The following KCNIP4 variants were observed in gnomAD, a reference collection of about 807,000 sequenced individuals.
KCNIP4 encodes potassium voltage-gated channel interacting protein 4.
In KCNIP4, 12 loss-of-function variants were observed where a neutral mutation model predicts 34.0. The observed-to-expected ratio is 0.35, with a 90% CI of 0.23 to 0.57. The LOEUF is 0.57. Ranked by LOEUF, KCNIP4 falls within the 20% of genes least tolerant of loss-of-function variation. The pLI, the probability that KCNIP4 is intolerant of heterozygous loss-of-function variation, is 0.83. For synonymous variants in KCNIP4, 124 were observed against 102.2 expected, an observed-to-expected ratio of 1.21 and a Z score of -1.29; for missense variants, 238 against 311.7, an observed-to-expected ratio of 0.76 and a Z score of 1.78.
At chr4:21,611,263 G>A (rs1744135450) in intron 1 of KCNIP4, among the ~76,000 whole-genome samples, 1 of 152,166 alleles carries the variant, frequency 6.6e-6, no homozygotes, top group African/African-American at 2.4e-5. Context: ...ATTGTGAACA[G>A]TGCTGCAATA....
At chr4:20,948,327 T>C (rs1358393063) in intron 1 of KCNIP4, among the ~76,000 whole-genome samples, 1 of 152,234 alleles carries the variant, frequency 6.6e-6, no homozygotes, top group African/African-American at 2.4e-5. Context: ...TCATTTCTAG[T>C]TCAATTTGAC....
chr4:21,263,255 A>G (rs912746646), intron 1 of KCNIP4, among the ~76,000 whole-genome samples: 21 of 152,218 alleles, frequency 1.4e-4, no homozygotes, highest in Non-Finnish European at 1.9e-4. Flanking sequence ...AAATCCTAGC[A>G]AACAGCTTTG....
chr4:21,105,101 C>G lies in KCNIP4; in HGVS notation c.62-222392G>C, dbSNP rs1010639427. On this transcript the variant is annotated intron_variant, in intron 1 of 8. Coordinates refer to ENST00000382152, the MANE Select transcript of KCNIP4 (RefSeq NM_025221.6). ...GGTCTCTTTTTTGGTTCCATATGAA[C>G]CTTAAAGTAGTTTTTTTCCAATTCT... Among the ~76,000 whole-genome samples the G allele has an allele frequency of 7.3e-5, 11 of 151,486 alleles. 1 individual carries two copies. Among genetic ancestry groups the G allele is most frequent in the African/African-American group, 2.4e-4 (10 of 40,864 alleles).
rs1202787496 is a variant in KCNIP4 at position 21,072,970 on chromosome 4, C to A, written c.62-190261G>T. 2.6e-5 allele frequency among the ~76,000 whole-genome samples: 4 copies of A among 152,040 alleles called. No homozygotes were observed. In the East Asian group the frequency reaches 5.8e-4, roughly 22 times the overall value. ...CAGATGGTTGTAGATGTGTGGTATTCTTTCTGAGGACTCTGTTCTGTTCCA... is the reference window on the plus strand; with the variant it reads ...CAGATGGTTGTAGATGTGTGGTATTATTTCTGAGGACTCTGTTCTGTTCCA... On this transcript the variant is annotated intron_variant, in intron 1 of 8. Coordinates refer to ENST00000382152, the MANE Select transcript of KCNIP4 (RefSeq NM_025221.6).
intron 1 of KCNIP4, among the ~76,000 whole-genome samples, chr4:21,784,312 C>T (rs11942343): frequency 0.047 from 7,122 of 152,026 alleles, 410 homozygotes; most frequent in African/African-American, 0.13. Context: ...AAAACTTACT[C>T]GACTCCAACA....
At chr4:21,788,256 G>A (rs958819546) in intron 1 of KCNIP4, among the ~76,000 whole-genome samples, 1 of 151,750 alleles carries the variant, frequency 6.6e-6, no homozygotes, top group Non-Finnish European at 1.5e-5. Flanking sequence ...TATAAACAAG[G>A]AGTTGAGATT....
intron 1 of KCNIP4, among the ~76,000 whole-genome samples, chr4:21,133,421 A>G (rs1442654930): frequency 6.6e-6 from 1 of 152,182 alleles, no homozygotes; most frequent in African/African-American, 2.4e-5. Flanking sequence ...GTCCTTCTGC[A>G]TCCCATATTT....
chr4:21,602,659 T>A (rs1230119449), intron 1 of KCNIP4, among the ~76,000 whole-genome samples: 1 of 152,220 alleles, frequency 6.6e-6, no homozygotes, highest in Non-Finnish European at 1.5e-5. Flanking sequence ...GTATTTTAAA[T>A]ATATTTGGTC....
intron 1 of KCNIP4, among the ~76,000 whole-genome samples, chr4:21,426,818 C>A (rs1038925546): frequency 6.6e-6 from 1 of 151,582 alleles, no homozygotes; most frequent in Non-Finnish European, 1.5e-5. Flanking sequence ...TGTTTCCAAA[C>A]CTTCAGTGAA....
chr4:20,773,636 C>A (rs572822883), intron 3 of KCNIP4, among the ~76,000 whole-genome samples: 2 of 152,270 alleles, frequency 1.3e-5, no homozygotes, highest in Admixed American at 6.5e-5. Context: ...AAAGCGATTT[C>A]CAGTTCTTTT....
At chr4:20,897,152 G>A (rs1188622903) in intron 1 of KCNIP4, among the ~76,000 whole-genome samples, 3 of 152,092 alleles carry the variant, frequency 2.0e-5, no homozygotes, top group African/African-American at 7.2e-5. Context: ...TTAATCACAT[G>A]TTTATTGAAT....
chr4:21,738,609 T>C (rs1005196559), intron 1 of KCNIP4, among the ~76,000 whole-genome samples: 1 of 152,212 alleles, frequency 6.6e-6, no homozygotes, highest in African/African-American at 2.4e-5. Flanking sequence ...CTTTTCACAG[T>C]GTCTCTGGTC....
chr4:21,151,541 C>T (rs1056892043), intron 1 of KCNIP4, among the ~76,000 whole-genome samples: 3 of 150,602 alleles, frequency 2.0e-5, no homozygotes, highest in Non-Finnish European at 4.4e-5. Context: ...TGTCCTCACA[C>T]GGTGATGAGA....
intron 1 of KCNIP4, among the ~76,000 whole-genome samples, chr4:21,875,129 T>A (rs1361509489): frequency 6.6e-6 from 1 of 152,230 alleles, no homozygotes. Context: ...AGATAAGGAA[T>A]CTGAGGCACA....
At chr4:20,730,165 A>ATATC in intron 8 of KCNIP4, 36 bp from the exon 9 acceptor site, 3 of 1,585,864 alleles carry the variant, frequency 1.9e-6, no homozygotes, top group Admixed American at 1.8e-5. Context: ...TAAATTCAGC[A>ATATC]TATCTGCAAG....
At chr4:21,249,118 A>C (rs1760500195) in intron 1 of KCNIP4, among the ~76,000 whole-genome samples, 2 of 152,268 alleles carry the variant, frequency 1.3e-5, no homozygotes, top group East Asian at 3.9e-4. Context: ...TATCTTGTAA[A>C]GGAGGCAAAA....
At chr4:21,739,114 C>T (rs1380452240) in intron 1 of KCNIP4, among the ~76,000 whole-genome samples, 1 of 152,014 alleles carries the variant, frequency 6.6e-6, no homozygotes, top group Admixed American at 6.6e-5. Context: ...GGTAAAAATG[C>T]ATACATAGAC....
At chr4:21,365,884 C>T (rs1203458378) in intron 1 of KCNIP4, among the ~76,000 whole-genome samples, 2 of 152,172 alleles carry the variant, frequency 1.3e-5, no homozygotes, top group Non-Finnish European at 2.9e-5. Flanking sequence ...TCTGAAATAT[C>T]TGAAATTACA....
chr4:21,465,277 A>G (rs1729821270), intron 1 of KCNIP4, among the ~76,000 whole-genome samples: 1 of 152,142 alleles, frequency 6.6e-6, no homozygotes, highest in African/African-American at 2.4e-5. Flanking sequence ...CTGATGGCCA[A>G]TCCTACTGAC....
Sources: allele counts gnomAD v4.1 joint callset (sites outside exome capture counted in the v4.1 genomes callset), GRCh38; gene constraint gnomAD v4.1.1; transcripts MANE v1.5; gene names NCBI Gene and HGNC (gene_info 2026-07-23, HGNC 2026-07-21).